Variants in NPLOC4 observed in about 807,000 individuals in gnomAD.
NPLOC4 encodes the protein NPL4 homolog, ubiquitin recognition factor.
Under a neutral mutation model 80.6 loss-of-function variants are expected in NPLOC4, and 18 were observed. The ratio of observed to expected loss-of-function variants is 0.22; its 90% CI spans 0.15 to 0.33. The LOEUF is 0.33. NPLOC4 is among the 10% of genes least tolerant of loss of function. NPLOC4 has a pLI of 1.00. For synonymous variants in NPLOC4, 313 were observed against 301.5 expected, an observed-to-expected ratio of 1.04 and a Z score of -0.39; for missense variants, 540 against 786.1, an observed-to-expected ratio of 0.69 and a Z score of 3.74.
intron 13 of NPLOC4, among the ~76,000 whole-genome samples, 189 bp downstream of exon 13, chr17:81,571,828 T>C (rs537206732): frequency 6.6e-6 from 1 of 152,282 alleles, no homozygotes; most frequent in African/African-American, 2.4e-5. Context: ...ACTGTGAGCA[T>C]TTCAGCAACA....
At chr17:81,566,511 T>C (rs1377707288) in intron 15 of NPLOC4, 1 of 152,174 alleles carries the variant, frequency 6.6e-6, no homozygotes, top group Non-Finnish European at 1.5e-5. Flanking sequence ...CAGCTGAACC[T>C]CGGAGCAGGA....
chr17:81,608,778 C>T lies in NPLOC4; in HGVS notation c.480G>A (p.Lys160=), dbSNP rs771470813. The part of the protein sequence containing the change: ...DYLNHLEPPV[K]HMSFHAYIRK... ...GGATGTAGGCGTGGAAGGACATGTG[C>T]TTCACGGGAGGCTCGAGATGGTTTA... Residue 160 remains lysine (K), a synonymous_variant, in exon 6 of 17, where the codon AAG becomes AAA. Transcript: ENST00000331134. 8 of 1,593,242 alleles carry T rather than the reference C, an allele frequency of 5.0e-6. No homozygotes were observed. The South Asian group carries it at 9.2e-5, about 18-fold the overall frequency.
intron 11 of NPLOC4, 104 bp downstream of exon 11, chr17:81,596,012 G>C: frequency 8.5e-7 from 1 of 1,172,520 alleles, no homozygotes. Context: ...AGCCCAGTAA[G>C]AAAGTCCAGT....
chr17:81,622,480 A>G (rs545408196), intron 2 of NPLOC4, among the ~76,000 whole-genome samples: 54 of 152,376 alleles, frequency 3.5e-4, no homozygotes, highest in African/African-American at 9.9e-4. Flanking sequence ...AAAGTGGCCA[A>G]AAAAGCAAAG....
intron 3 of NPLOC4, among the ~76,000 whole-genome samples, chr17:81,617,698 T>C (rs1409665372): frequency 9.0e-6 from 1 of 111,430 alleles, no homozygotes; most frequent in Non-Finnish European, 1.7e-5. Flanking sequence ...ACGGTCTCCC[T>C]CTCATGCCGA....
At chr17:81,631,419 T>C (rs1171303397) in intron 1 of NPLOC4, among the ~76,000 whole-genome samples, 1 of 59,900 alleles carries the variant, frequency 1.7e-5, no homozygotes, top group East Asian at 9.3e-3. Context: ...TATTAAAGTG[T>C]ACATATATAT....
At chr17:81,589,163 TCTGTTAA>T in intron 11 of NPLOC4, 59 bp from the exon 12 acceptor site, 1 of 1,417,446 alleles carries the variant, frequency 7.1e-7, no homozygotes. Flanking sequence ...CCAGTCCATA[TCTGTTAA>T]CTCTTCACCT....
Position 81,613,623 on chromosome 17 carries a change from T to A in NPLOC4, c.210-129A>T, listed in dbSNP as rs1598668514. ...GGCCTAAACAATGAGGTTTCTAACTTTTAAGATGAGAATTCTCTTCTAACA... is the reference window on the plus strand; with the variant it reads ...GGCCTAAACAATGAGGTTTCTAACTATTAAGATGAGAATTCTCTTCTAACA... On this transcript the variant is annotated intron_variant, in intron 3 of 16. Coordinates refer to ENST00000331134, the MANE Select transcript of NPLOC4 (RefSeq NM_017921.4). 3.9e-6 allele frequency: 3 copies of A among 768,592 alleles called. No individual in the cohort carries two copies. In the East Asian group the frequency reaches 8.2e-5, roughly 21 times the overall value. 47.6% of individuals were successfully genotyped at this position (768,592 alleles called of 1,614,324 possible). A position where few individuals can be genotyped will look rare whatever the true frequency, so the allele number is the denominator to read the frequency against.
intron 10 of NPLOC4, among the ~76,000 whole-genome samples, 153 bp downstream of exon 10, chr17:81,597,091 CA>C (rs1372005775): frequency 6.6e-6 from 1 of 151,958 alleles, no homozygotes; most frequent in African/African-American, 2.4e-5. Context: ...CCAGCCTGGG[CA>C]AAAGAGCAAG....
At chr17:81,604,480 C>G in intron 8 of NPLOC4, 68 bp downstream of exon 8, 1 of 1,469,482 alleles carries the variant, frequency 6.8e-7, no homozygotes, top group East Asian at 2.3e-5. Context: ...GGCAAGGCCT[C>G]TCCGAAAGGG....
In NPLOC4 at chr17:81,580,748, T is replaced by C. The variant is rs1332781569; in HGVS notation, c.1281+8196A>G. Among the ~76,000 whole-genome samples, 1 of 152,194 alleles carries C rather than the reference T, an allele frequency of 6.6e-6. No homozygotes were observed. Among genetic ancestry groups the C allele is most frequent in the Non-Finnish European group, 1.5e-5 (1 of 68,018 alleles). Reference sequence around the variant, plus strand: ...CCCCGATGCAGGGAGCCCTTCTCCATTCTCCATGAACTCCAGGGCCTGGCA... The same window carrying C: ...CCCCGATGCAGGGAGCCCTTCTCCACTCTCCATGAACTCCAGGGCCTGGCA... On this transcript the variant is annotated intron_variant, in intron 12 of 16. Transcript: ENST00000331134. This position sits in a 1 kb window ranked among gnomAD's most constrained non-coding sequence, Gnocchi z 4.4.
chr17:81,576,302 T>C (rs1026909779), intron 12 of NPLOC4, among the ~76,000 whole-genome samples: 3 of 152,200 alleles, frequency 2.0e-5, no homozygotes, highest in African/African-American at 4.8e-5. Context: ...AGAATTACAG[T>C]TGGCCGTTGC....
At chr17:81,615,096 G>GTTTC (rs560909202) in intron 3 of NPLOC4, among the ~76,000 whole-genome samples, 9,053 of 81,000 alleles carry the variant, frequency 0.11, 703 homozygotes, top group East Asian at 0.56. Flanking sequence ...AGAGACGTCT[G>GTTTC]TTTCTTTTTT....
intron 12 of NPLOC4, among the ~76,000 whole-genome samples, chr17:81,582,852 T>G (rs148973859): frequency 2.0e-5 from 3 of 152,360 alleles, no homozygotes; most frequent in East Asian, 1.9e-4. Context: ...GCTCTGGGGC[T>G]GCACATAAAG....
intron 2 of NPLOC4, among the ~76,000 whole-genome samples, chr17:81,623,424 C>T (rs1314977024): frequency 7.2e-6 from 1 of 139,428 alleles, no homozygotes; most frequent in Non-Finnish European, 1.5e-5. Flanking sequence ...GAGATCATGC[C>T]ACTGCACTCC....
intron 11 of NPLOC4, among the ~76,000 whole-genome samples, chr17:81,592,280 C>T (rs544466960): frequency 1.3e-5 from 2 of 152,270 alleles, no homozygotes. Context: ...TGGCCGTGAC[C>T]AAGAAACCCT....
chr17:81,563,383 A>C (rs1297271356), intron 16 of NPLOC4: 2 of 146,162 alleles, frequency 1.4e-5, no homozygotes, highest in African/African-American at 5.1e-5. Flanking sequence ...GGCCAACCCT[A>C]TCTCTTAAAG....
intron 13 of NPLOC4, among the ~76,000 whole-genome samples, chr17:81,570,154 T>A (rs1423880754): frequency 6.6e-5 from 10 of 152,170 alleles, no homozygotes; most frequent in African/African-American, 2.4e-4. Flanking sequence ...GCAGCATCTC[T>A]GGCCTGAGCT....
At chr17:81,574,133 C>T (rs1351321218) in intron 12 of NPLOC4, among the ~76,000 whole-genome samples, 1 of 152,234 alleles carries the variant, frequency 6.6e-6, no homozygotes, top group Non-Finnish European at 1.5e-5. Flanking sequence ...CTTGCCCCTA[C>T]AAGAAATAAA....
Sources: allele counts gnomAD v4.1 joint callset (sites outside exome capture counted in the v4.1 genomes callset), GRCh38; gene constraint gnomAD v4.1.1; non-coding constraint Gnocchi (gnomAD v3.1); transcripts MANE v1.5; gene names NCBI Gene and HGNC (gene_info 2026-07-23, HGNC 2026-07-21).